GPR158: variants seen among roughly 807,000 people sequenced by gnomAD.
GPR158 encodes metabotropic glycine receptor.
A neutral mutation model predicts 78.2 loss-of-function variants in GPR158; 30 were observed. The ratio of observed to expected loss-of-function variants is 0.38; its 90% CI spans 0.29 to 0.52. The LOEUF (loss-of-function observed/expected upper bound fraction) is 0.52, where lower values mean the gene tolerates loss of function less well. Ranked by LOEUF, GPR158 falls within the 20% of genes least tolerant of loss-of-function variation. The pLI is 0.83. For missense variants in GPR158, 1,463 were observed against 1,523.5 expected (o/e 0.96, Z 0.66); for synonymous variants, 581 against 591.1 (o/e 0.98, Z 0.25).
chr10:25,532,849 G>A (rs1210211157), intron 5 of GPR158, among the ~76,000 whole-genome samples: 1 of 151,930 alleles, frequency 6.6e-6, no homozygotes, highest in Non-Finnish European at 1.5e-5. Flanking sequence ...ATGGTCTATT[G>A]AATGTGCATC....
intron 2 of GPR158, among the ~76,000 whole-genome samples, chr10:25,222,871 C>A (rs1463124157): frequency 6.6e-6 from 1 of 152,156 alleles, no homozygotes; most frequent in African/African-American, 2.4e-5. Context: ...GAGATACTTA[C>A]TTTTCAGTTT....
intron 2 of GPR158, among the ~76,000 whole-genome samples, chr10:25,318,320 C>A (rs1290591054): frequency 6.6e-6 from 1 of 152,044 alleles, no homozygotes; most frequent in Non-Finnish European, 1.5e-5. Flanking sequence ...TCGGTGAGCA[C>A]TGCCTTTTCT....
chr10:25,377,724 G>A (rs565946158), intron 2 of GPR158, among the ~76,000 whole-genome samples: 6 of 152,000 alleles, frequency 3.9e-5, no homozygotes, highest in African/African-American at 1.4e-4. Context: ...CCTTTTTATT[G>A]CTGAATAATA....
chr10:25,348,268 A>G (rs1855402004), intron 2 of GPR158, among the ~76,000 whole-genome samples: 1 of 151,898 alleles, frequency 6.6e-6, no homozygotes, highest in Admixed American at 6.6e-5. Flanking sequence ...CTTTAGGGAT[A>G]GATCTGTTGC....
At chr10:25,525,905 G>A (rs1227821264) in intron 5 of GPR158, among the ~76,000 whole-genome samples, 1 of 151,906 alleles carries the variant, frequency 6.6e-6, no homozygotes, top group Non-Finnish European at 1.5e-5. Context: ...TCAGGAGTTC[G>A]AGACCAGCCT....
At chr10:25,487,742 T>A (rs1835754477) in intron 5 of GPR158, among the ~76,000 whole-genome samples, 1 of 152,164 alleles carries the variant, frequency 6.6e-6, no homozygotes, top group African/African-American at 2.4e-5. Context: ...CAGTATATTG[T>A]TTGATTTTGC....
intron 2 of GPR158, among the ~76,000 whole-genome samples, chr10:25,386,029 C>G (rs1453086367): frequency 1.3e-5 from 2 of 152,110 alleles, no homozygotes; most frequent in East Asian, 3.8e-4. Flanking sequence ...TCCAAGAAAC[C>G]ATTCCCAAAT....
chr10:25,402,758 T>G (rs977714217), intron 3 of GPR158, among the ~76,000 whole-genome samples: 1 of 151,918 alleles, frequency 6.6e-6, no homozygotes, highest in African/African-American at 2.4e-5. Context: ...AGTTATAAAT[T>G]ACAAAATCTA....
intron 4 of GPR158, among the ~76,000 whole-genome samples, chr10:25,453,590 CTGTGTA>C (rs1835251953): frequency 6.6e-6 from 1 of 152,078 alleles, no homozygotes; most frequent in Non-Finnish European, 1.5e-5. Context: ...GAGTGGATTT[CTGTGTA>C]TGTGTATTAT....
intron 6 of GPR158, among the ~76,000 whole-genome samples, chr10:25,569,749 A>G (rs1836979884): frequency 1.3e-5 from 2 of 152,104 alleles, no homozygotes; most frequent in East Asian, 1.9e-4. Context: ...ATCAAATACT[A>G]CCTGTTCTAT....
intron 2 of GPR158, among the ~76,000 whole-genome samples, chr10:25,351,322 A>T (rs888278893): frequency 2.6e-5 from 4 of 151,944 alleles, no homozygotes; most frequent in African/African-American, 9.7e-5. Flanking sequence ...AGTGCGGGTT[A>T]AGCCAGGCTG....
At chr10:25,481,809 T>A (rs1835666852) in intron 5 of GPR158, among the ~76,000 whole-genome samples, 1 of 152,238 alleles carries the variant, frequency 6.6e-6, no homozygotes, top group Non-Finnish European at 1.5e-5. Context: ...TATATTTTTA[T>A]AGTAGCCATC....
In GPR158 at chr10:25,287,862, G is replaced by A. The variant is rs78560796; in HGVS notation, c.1008+66705G>A. Among the ~76,000 whole-genome samples, 865 of 152,002 alleles carry A rather than the reference G, an allele frequency of 5.7e-3. 10 individuals are homozygous for A. The highest frequency in any genetic ancestry group is 0.019 in the African/African-American group (804 of 41,460). ...AGCAATGCCCTTTGCAACCTTCTGC[G>A]TCCCAAGTAGAAGCTGGCAGTACCA... is the stretch of plus-strand genomic sequence containing the variant. On this transcript the variant is annotated intron_variant, in intron 2 of 10. Transcript: ENST00000376351.
chr10:25,410,203 GT>G (rs1834565444), intron 3 of GPR158, among the ~76,000 whole-genome samples: 1 of 152,048 alleles, frequency 6.6e-6, no homozygotes, highest in African/African-American at 2.4e-5. Context: ...TCTCAGTTCT[GT>G]CTTCTAACTT....
intron 1 of GPR158, among the ~76,000 whole-genome samples, chr10:25,192,135 A>C (rs1852779501): frequency 6.6e-6 from 1 of 152,156 alleles, no homozygotes; most frequent in Admixed American, 6.5e-5. Context: ...TCGTGGGGGC[A>C]GCTTCCCCTG....
At chr10:25,273,550 G>A (rs1854144920) in intron 2 of GPR158, among the ~76,000 whole-genome samples, 1 of 152,064 alleles carries the variant, frequency 6.6e-6, no homozygotes, top group Admixed American at 6.6e-5. Context: ...TACAACTAAT[G>A]TACTGCCAGA....
intron 1 of GPR158, among the ~76,000 whole-genome samples, chr10:25,213,289 G>C (rs545166096): frequency 6.6e-6 from 1 of 152,112 alleles, no homozygotes; most frequent in Non-Finnish European, 1.5e-5. Flanking sequence ...TGTTGGTAGA[G>C]GCAAGCTTTG....
intron 4 of GPR158, among the ~76,000 whole-genome samples, chr10:25,461,242 G>A (rs79743565): frequency 0.01 from 1,573 of 152,282 alleles, 33 homozygotes; most frequent in African/African-American, 0.036. Flanking sequence ...TGGAGGCTGG[G>A]ATAGGCTGAA....
At chr10:25,559,819 G>C (rs1463975993) in intron 6 of GPR158, among the ~76,000 whole-genome samples, 1 of 152,150 alleles carries the variant, frequency 6.6e-6, no homozygotes. Context: ...ATGTATTACA[G>C]TTTTAATGGA....
Sources: gnomAD v4.1 joint callset for allele counts (sites outside exome capture counted in the v4.1 genomes callset) on GRCh38, gnomAD v4.1.1 for gene constraint, MANE v1.5 for transcripts, NCBI Gene and HGNC (gene_info 2026-07-23, HGNC 2026-07-21) for gene names.